The following CDH12 variants were observed in gnomAD, a reference collection of about 807,000 sequenced individuals.
CDH12 encodes the protein cadherin 12.
A neutral mutation model predicts 74.1 loss-of-function variants in CDH12; 41 were observed. The observed-to-expected ratio is 0.55, with a 90% CI of 0.43 to 0.72. The LOEUF (loss-of-function observed/expected upper bound fraction) is 0.72, where lower values mean the gene tolerates loss of function less well. Ranked by LOEUF, CDH12 falls within the 30% of genes least tolerant of loss-of-function variation. The pLI is 0.00. For missense variants in CDH12, 945 were observed against 977.2 expected, an observed-to-expected ratio of 0.97 and a Z score of 0.44; for synonymous variants, 399 against 355.0, an observed-to-expected ratio of 1.12 and a Z score of -1.39.
chr5:21,928,656 G>T (rs923031118), intron 6 of CDH12, among the ~76,000 whole-genome samples: 5 of 151,484 alleles, frequency 3.3e-5, no homozygotes, highest in African/African-American at 1.2e-4. Flanking sequence ...TCTATCAAGA[G>T]TTTTTTTTTA....
chr5:22,067,166 A>G (rs1353178147), intron 5 of CDH12, among the ~76,000 whole-genome samples: 5 of 152,200 alleles, frequency 3.3e-5, no homozygotes, highest in African/African-American at 1.2e-4. Flanking sequence ...CAGGTCCATT[A>G]CATGGAAACA....
chr5:22,236,721 G>T (rs909270360), intron 3 of CDH12, among the ~76,000 whole-genome samples: 3 of 152,106 alleles, frequency 2.0e-5, no homozygotes, highest in Non-Finnish European at 2.9e-5. Context: ...ACGCCACTCT[G>T]GGCTATGGAG....
chr5:22,700,586 A>G (rs1005406059), intron 1 of CDH12, among the ~76,000 whole-genome samples: 2 of 152,232 alleles, frequency 1.3e-5, no homozygotes, highest in African/African-American at 4.8e-5. Context: ...AAACCGTGAT[A>G]AGAAAATGTT....
At chr5:21,848,267 C>A (rs1350531055) in intron 7 of CDH12, among the ~76,000 whole-genome samples, 1 of 151,872 alleles carries the variant, frequency 6.6e-6, no homozygotes, top group Non-Finnish European at 1.5e-5. Flanking sequence ...CAGTGTGAAC[C>A]AAGTCATTGT....
intron 4 of CDH12, among the ~76,000 whole-genome samples, chr5:22,161,745 AG>A (rs56703611): frequency 6.8e-6 from 1 of 146,518 alleles, no homozygotes; most frequent in Non-Finnish European, 1.5e-5. Context: ...AGAGAGAGGG[AG>A]GGGGGAAAAG....
chr5:22,028,091 G>A (rs987706376), intron 5 of CDH12, among the ~76,000 whole-genome samples: 2 of 152,038 alleles, frequency 1.3e-5, no homozygotes, highest in Non-Finnish European at 2.9e-5. Flanking sequence ...TCATTCAGGA[G>A]CAAGTTGTTC....
chr5:22,196,713 G>A (rs1044017914), intron 4 of CDH12, among the ~76,000 whole-genome samples: 1 of 152,128 alleles, frequency 6.6e-6, no homozygotes, highest in Admixed American at 6.5e-5. Flanking sequence ...GTGTCCTCAG[G>A]CACCCGGAGG....
chr5:21,989,211 T>C (rs1757647788), intron 5 of CDH12, among the ~76,000 whole-genome samples: 1 of 152,088 alleles, frequency 6.6e-6, no homozygotes, highest in African/African-American at 2.4e-5. Flanking sequence ...CTTCAAGAAA[T>C]GAAAATAATT....
chr5:22,521,530 A>T (rs1011825234), intron 1 of CDH12, among the ~76,000 whole-genome samples: 4 of 152,208 alleles, frequency 2.6e-5, no homozygotes, highest in Non-Finnish European at 4.4e-5. Context: ...TACCATGCTA[A>T]AAAGTAATAG....
rs190593236 is a variant in CDH12, at chr5:22,118,314, C to T, written c.-186-39452G>A. 1.3e-4 allele frequency among the ~76,000 whole-genome samples: 20 copies of T among 152,216 alleles called. No individual in the cohort carries two copies. In the East Asian group the frequency reaches 3.7e-3, roughly 28 times the overall value. ...TGAATCATTTTTCTATTCCCTCTCC[C>T]ACAAAATTCAATTTTAATACATCAC... On this transcript the variant is annotated intron_variant, in intron 4 of 14. Transcript: ENST00000382254.
Position 22,822,493 on chromosome 5 carries a change from G to A in CDH12, c.-523+30565C>T, listed in dbSNP as rs562894966. On this transcript the variant is annotated intron_variant, in intron 1 of 14. Coordinates refer to ENST00000382254, the MANE Select transcript of CDH12 (RefSeq NM_004061.5). ...TTCGCAACCTACTCATCTGACAAAG[G>A]GCTAATATCCAGAATCTACAATGAA... Among the ~76,000 whole-genome samples the A allele has an allele frequency of 2.6e-5, 4 of 151,884 alleles. No homozygotes were observed. The East Asian group carries it at 7.8e-4, about 29-fold the overall frequency.
intron 5 of CDH12, among the ~76,000 whole-genome samples, chr5:22,049,721 A>C (rs1038794421): frequency 1.3e-5 from 2 of 152,148 alleles, no homozygotes; most frequent in South Asian, 4.1e-4. Flanking sequence ...AGCTAAAACC[A>C]GTGAGGTAAC....
intron 4 of CDH12, among the ~76,000 whole-genome samples, chr5:22,146,672 A>G (rs1747205279): frequency 6.6e-6 from 1 of 152,158 alleles, no homozygotes; most frequent in African/African-American, 2.4e-5. Context: ...ATATCTTTTA[A>G]TTCAACTAAA....
At chr5:22,285,991 ATTATTT>A (rs1202569613) in intron 3 of CDH12, among the ~76,000 whole-genome samples, 1 of 151,998 alleles carries the variant, frequency 6.6e-6, no homozygotes, top group Non-Finnish European at 1.5e-5. Flanking sequence ...TATCTTTATA[ATTATTT>A]TTATCAATTA....
chr5:22,057,378 T>TC (rs1329274333), intron 5 of CDH12, among the ~76,000 whole-genome samples: 1 of 151,616 alleles, frequency 6.6e-6, no homozygotes, highest in African/African-American at 2.4e-5. Flanking sequence ...GATCCTGAAA[T>TC]AAAGGACAGC....
chr5:22,645,864 T>G (rs543567184), intron 1 of CDH12, among the ~76,000 whole-genome samples: 1 of 152,126 alleles, frequency 6.6e-6, no homozygotes, highest in African/African-American at 2.4e-5. Flanking sequence ...GCATTTATAT[T>G]ACATATATAT....
chr5:22,296,979 C>A (rs1170109277), intron 3 of CDH12, among the ~76,000 whole-genome samples: 2 of 103,142 alleles, frequency 1.9e-5, no homozygotes, highest in East Asian at 2.6e-4. Flanking sequence ...TTCTTTTATT[C>A]TTTTCTTTCT....
At chr5:22,334,092 A>G (rs1246864183) in intron 3 of CDH12, among the ~76,000 whole-genome samples, 1 of 152,164 alleles carries the variant, frequency 6.6e-6, no homozygotes, top group East Asian at 1.9e-4. Flanking sequence ...CACAGTCACC[A>G]CTGTTATTTA....
chr5:22,525,003 C>T (rs1580732445), intron 1 of CDH12, among the ~76,000 whole-genome samples: 2 of 148,942 alleles, frequency 1.3e-5, no homozygotes, highest in African/African-American at 5.0e-5. Flanking sequence ...TGTTCCCCTT[C>T]CTGTGTCCAT....
Sources: allele counts gnomAD v4.1 joint callset (sites outside exome capture counted in the v4.1 genomes callset), GRCh38; gene constraint gnomAD v4.1.1; transcripts MANE v1.5; gene names NCBI Gene and HGNC (gene_info 2026-07-23, HGNC 2026-07-21).